Variants in ADAMTSL1 observed in about 807,000 individuals in gnomAD.
The protein encoded by ADAMTSL1 is ADAMTS like 1, also known as ADAMTS-like protein 1.
In ADAMTSL1, 126 loss-of-function variants were observed where a neutral mutation model predicts 201.8. The ratio of observed to expected loss-of-function variants is 0.62; its 90% CI spans 0.54 to 0.72. The LOEUF is 0.72. Ranked by LOEUF, ADAMTSL1 falls within the 30% of genes least tolerant of loss-of-function variation. ADAMTSL1 has a pLI of 0.00. For missense variants in ADAMTSL1, 2,679 were observed against 2,277.8 expected (o/e 1.18, Z -3.59); for synonymous variants, 1,121 against 903.4 (o/e 1.24, Z -4.32).
At chr9:18,057,196 GCCAC>G (rs1822231353) in intron 1 of ADAMTSL1, among the ~76,000 whole-genome samples, 1 of 152,098 alleles carries the variant, frequency 6.6e-6, no homozygotes, top group African/African-American at 2.4e-5. Context: ...CTTTGCATTT[GCCAC>G]AAAAAGAATT....
chr9:18,254,574 A>G (rs943874453), intron 2 of ADAMTSL1, among the ~76,000 whole-genome samples: 2 of 151,628 alleles, frequency 1.3e-5, no homozygotes, highest in South Asian at 2.1e-4. Flanking sequence ...CATGTTAGCC[A>G]GGATGGTCTC....
rs372933856 is a variant in ADAMTSL1 at position 18,050,931 on chromosome 9, T to C, written c.88-112931T>C. ...CAATTGGATTGTGCTGTGTCCTGTA[T>C]ACACCCTGCTACTTTACACCAGTGC... On this transcript the variant is annotated intron_variant, in intron 1 of 29. Coordinates refer to the ADAMTSL1 transcript ENST00000680146. Among the ~76,000 whole-genome samples, 4 of 152,226 alleles carry C rather than the reference T, an allele frequency of 2.6e-5. No individual in the cohort carries two copies. In the East Asian group the frequency reaches 7.7e-4, roughly 29 times the overall value.
At chr9:18,358,783 A>G (rs1464129500) in intron 2 of ADAMTSL1, among the ~76,000 whole-genome samples, 4 of 152,246 alleles carry the variant, frequency 2.6e-5, no homozygotes, top group South Asian at 2.1e-4. Context: ...TGTTTGATAG[A>G]CATTTGGATT....
At chr9:18,143,521 T>A (rs1198185156) in intron 1 of ADAMTSL1, among the ~76,000 whole-genome samples, 1 of 151,722 alleles carries the variant, frequency 6.6e-6, no homozygotes. Flanking sequence ...TAAAGCCGGG[T>A]TTTTTGTCAC....
At chr9:18,660,114 A>T (rs1435834423) in intron 8 of ADAMTSL1, among the ~76,000 whole-genome samples, 1 of 152,198 alleles carries the variant, frequency 6.6e-6, no homozygotes, top group East Asian at 1.9e-4. Context: ...AAGTAGAACT[A>T]TCAGTGGTTT....
At chr9:18,758,859 C>T (rs899489570) in intron 16 of ADAMTSL1, among the ~76,000 whole-genome samples, 1 of 152,204 alleles carries the variant, frequency 6.6e-6, no homozygotes, top group African/African-American at 2.4e-5. Context: ...TTAGTCCCCA[C>T]TAGCACAAGC....
chr9:18,440,602 A>AAT (rs572407448), intron 2 of ADAMTSL1, among the ~76,000 whole-genome samples: 61 of 150,550 alleles, frequency 4.1e-4, no homozygotes, highest in Admixed American at 1.5e-3. Flanking sequence ...TCAGATGTAT[A>AAT]ATATATATAT....
intron 1 of ADAMTSL1, among the ~76,000 whole-genome samples, chr9:18,029,740 T>C (rs1265269080): frequency 1.3e-5 from 2 of 152,154 alleles, no homozygotes; most frequent in African/African-American, 4.8e-5. Flanking sequence ...GGGTGAAGGA[T>C]ATGAATAGAC....
intron 2 of ADAMTSL1, among the ~76,000 whole-genome samples, chr9:18,224,161 G>T (rs566609228): frequency 1.4e-4 from 22 of 152,104 alleles, no homozygotes; most frequent in African/African-American, 5.3e-4. Context: ...CCTTTGTGCT[G>T]CTTTAAGAGA....
chr9:18,028,758 C>G (rs952360891), intron 1 of ADAMTSL1, among the ~76,000 whole-genome samples: 11 of 152,030 alleles, frequency 7.2e-5, no homozygotes, highest in Non-Finnish European at 1.5e-4. Flanking sequence ...TTTTTTGGTT[C>G]CATATGAACT....
At chr9:18,601,293 G>A (rs934542769) in intron 4 of ADAMTSL1, among the ~76,000 whole-genome samples, 14 of 152,190 alleles carry the variant, frequency 9.2e-5, no homozygotes, top group African/African-American at 3.1e-4. Flanking sequence ...CATCAACTAT[G>A]TATTTAGCAA....
At chr9:18,184,264 C>T (rs1173142805) in intron 2 of ADAMTSL1, among the ~76,000 whole-genome samples, 1 of 152,164 alleles carries the variant, frequency 6.6e-6, no homozygotes, top group Non-Finnish European at 1.5e-5. Flanking sequence ...ACCTCTGCCT[C>T]GTGTACCAAA....
intron 1 of ADAMTSL1, among the ~76,000 whole-genome samples, chr9:17,973,163 GT>G (rs1192613910): frequency 6.6e-6 from 1 of 151,238 alleles, no homozygotes; most frequent in East Asian, 2.0e-4. Flanking sequence ...AAGCTCTTTA[GT>G]TTAATTAGAT....
chr9:18,549,461 C>G (rs190977036), intron 3 of ADAMTSL1, among the ~76,000 whole-genome samples: 1 of 152,080 alleles, frequency 6.6e-6, no homozygotes, highest in East Asian at 1.9e-4. Flanking sequence ...AACATAACTA[C>G]TACAGGCTAC....
chr9:18,508,951 G>A lies in ADAMTSL1; in HGVS notation c.191+3995G>A, dbSNP rs1288575153. On this transcript the variant is annotated intron_variant, in intron 2 of 28. Coordinates refer to ENST00000380548, the MANE Select transcript of ADAMTSL1 (RefSeq NM_001040272.6). ...TGTAATCCCAGCACTTTGGGAGGCCGAGGCGGGTGGATCATGAGGTCAGGA... is the reference window on the plus strand; with the variant it reads ...TGTAATCCCAGCACTTTGGGAGGCCAAGGCGGGTGGATCATGAGGTCAGGA... Among the ~76,000 whole-genome samples, 3 of 95,002 alleles carry A rather than the reference G, an allele frequency of 3.2e-5. 1 individual carries two copies. Among genetic ancestry groups the A allele is most frequent in the South Asian group, 2.7e-4 (1 of 3,756 alleles). 62.3% of individuals were successfully genotyped at this position (95,002 alleles called of 152,430 possible). A position where few individuals can be genotyped will look rare whatever the true frequency, so the allele number is the denominator to read the frequency against.
At chr9:18,616,393 T>C (rs1352144674) in intron 4 of ADAMTSL1, among the ~76,000 whole-genome samples, 1 of 152,236 alleles carries the variant, frequency 6.6e-6, no homozygotes, top group African/African-American at 2.4e-5. Flanking sequence ...GCCACCTCTT[T>C]GAAACTGCTT....
chr9:18,267,775 C>CAA lies in ADAMTSL1; in HGVS notation c.207+103798_207+103799dup, dbSNP rs1198311322. 7.0e-4 allele frequency among the ~76,000 whole-genome samples: 76 copies of CAA among 108,528 alleles called. No homozygotes were observed. In the East Asian group the frequency reaches 9.5e-3, roughly 14 times the overall value. 71.2% of individuals were successfully genotyped at this position (108,528 alleles called of 152,430 possible). ...CTCAAAGGCTATTAAAAAAAAAAAACAAAAACAAAAACAAAAAAACCTTAA... is the reference window on the plus strand; with the variant it reads ...CTCAAAGGCTATTAAAAAAAAAAAACAAAAAAACAAAAACAAAAAAACCTTAA... On this transcript the variant is annotated intron_variant, in intron 2 of 29. Coordinates refer to the ADAMTSL1 transcript ENST00000680146.
In ADAMTSL1 at chr9:18,399,318, T is replaced by TAC. The variant is rs546368782; in HGVS notation, c.208-105510_208-105509insCA. 3.4e-3 allele frequency among the ~76,000 whole-genome samples: 344 copies of TAC among 100,764 alleles called. 17 individuals are homozygous for TAC. Among genetic ancestry groups the TAC allele is most frequent in the South Asian group, 0.013 (35 of 2,648 alleles). The allele number at this position is 100,764 out of a possible 152,430, so 66.1% of individuals were successfully genotyped here. On this transcript the variant is annotated intron_variant, in intron 2 of 29. Transcript: ENST00000680146. ...ATATATATATATATATATATATATA[T>TAC]ATATATATATAAAATTATTATTTTC... is the stretch of plus-strand genomic sequence containing the variant.
At chr9:18,323,590 A>G (rs916130941) in intron 2 of ADAMTSL1, among the ~76,000 whole-genome samples, 9 of 152,220 alleles carry the variant, frequency 5.9e-5, no homozygotes, top group African/African-American at 2.2e-4. Context: ...ATTGACAGAC[A>G]GCATGGCTTT....
Sources: gnomAD v4.1 joint callset for allele counts (sites outside exome capture counted in the v4.1 genomes callset) on GRCh38, gnomAD v4.1.1 for gene constraint, MANE v1.5 for transcripts, NCBI Gene and HGNC (gene_info 2026-07-23, HGNC 2026-07-21) for gene names.